Variants in ARHGAP40 observed in about 807,000 individuals in gnomAD.
ARHGAP40 encodes the protein rho GTPase-activating protein 40.
ARHGAP40 carries 43 observed loss-of-function variants against 73.5 expected under a neutral mutation model. The observed-to-expected ratio is 0.58, with a 90% CI of 0.46 to 0.75. The LOEUF (loss-of-function observed/expected upper bound fraction) is 0.75, where lower values mean the gene tolerates loss of function less well. Among genes scored for constraint, ARHGAP40 ranks in the 30% least tolerant of loss-of-function variants. The pLI is 0.00. For missense variants in ARHGAP40, 734 were observed against 861.8 expected, an observed-to-expected ratio of 0.85 and a Z score of 1.86; for synonymous variants, 300 against 352.8, an observed-to-expected ratio of 0.85 and a Z score of 1.68.
intron 1 of ARHGAP40, among the ~76,000 whole-genome samples, chr20:38,622,523 T>A (rs1407946564): frequency 6.6e-6 from 1 of 152,190 alleles, no homozygotes; most frequent in African/African-American, 2.4e-5. Context: ...TACCCTGAGA[T>A]TCTTTGATTG....
At chr20:38,603,376 T>G (rs1484845633) in intron 1 of ARHGAP40, among the ~76,000 whole-genome samples, 2 of 152,308 alleles carry the variant, frequency 1.3e-5, no homozygotes, top group Non-Finnish European at 2.9e-5. Flanking sequence ...AAGAATCAAT[T>G]TTAAGAAGCC....
chr20:38,604,976 A>G (rs6026774), intron 1 of ARHGAP40, among the ~76,000 whole-genome samples: 20,591 of 151,276 alleles, frequency 0.14, 1,586 homozygotes, highest in South Asian at 0.24. Flanking sequence ...TCCCTGGAAC[A>G]AGGTTGGTCT....
chr20:38,607,248 A>G (rs2088776190), intron 1 of ARHGAP40, among the ~76,000 whole-genome samples: 1 of 152,172 alleles, frequency 6.6e-6, no homozygotes, highest in Non-Finnish European at 1.5e-5. Context: ...TCCTCCACTC[A>G]TCATTGGGAA....
At chr20:38,608,981 T>C (rs2088789227) in intron 1 of ARHGAP40, among the ~76,000 whole-genome samples, 1 of 152,194 alleles carries the variant, frequency 6.6e-6, no homozygotes, top group South Asian at 2.1e-4. Context: ...TTCACTCTTC[T>C]GCCTCCCTCT....
At chr20:38,645,610 G>T (rs563869735) in intron 11 of ARHGAP40, among the ~76,000 whole-genome samples, 4 of 152,288 alleles carry the variant, frequency 2.6e-5, no homozygotes, top group African/African-American at 9.6e-5. Flanking sequence ...GACTCTGCTG[G>T]GTTCGGATCC....
At chr20:38,639,292 C>A in exon 9 of ARHGAP40, 1 of 1,305,510 alleles carries the variant, frequency 7.7e-7, no homozygotes, top group South Asian at 1.2e-5. Flanking sequence ...AGGTTCATCA[C>A]AATGACGCCT....
chr20:38,631,541 A>G (rs1304502512), intron 5 of ARHGAP40, among the ~76,000 whole-genome samples: 2 of 152,158 alleles, frequency 1.3e-5, no homozygotes, highest in African/African-American at 2.4e-5. Context: ...CACTATCACA[A>G]GAACAGCCTG....
At chr20:38,635,358 T>C (rs1263687064) in intron 6 of ARHGAP40, among the ~76,000 whole-genome samples, 1 of 151,890 alleles carries the variant, frequency 6.6e-6, no homozygotes, top group African/African-American at 2.4e-5. Context: ...GTATCCTTTT[T>C]TCACCTAATA....
At chr20:38,621,556 C>G (rs569314739) in intron 1 of ARHGAP40, among the ~76,000 whole-genome samples, 16 of 152,062 alleles carry the variant, frequency 1.1e-4, no homozygotes, top group Non-Finnish European at 1.8e-4. Flanking sequence ...AAACAATGTC[C>G]CCTGAGTGAA....
At chr20:38,630,299 A>G (rs537442658) in intron 5 of ARHGAP40, among the ~76,000 whole-genome samples, 381 of 151,094 alleles carry the variant, frequency 2.5e-3, no homozygotes, top group Non-Finnish European at 3.7e-3. Context: ...AGCTCACTGC[A>G]GCCTCAACCT....
rs184531691 is a variant in ARHGAP40, at chr20:38,644,099, C to T, written c.1569+189C>T. On this transcript the variant is annotated intron_variant, in intron 11 of 14. Transcript: ENST00000373345. ...AACCAAGAAGAAGTGTCTTCACTTT[C>T]TGTCTCCACTGCCATGCCTCTCAGT... 4.3e-3 allele frequency among the ~76,000 whole-genome samples: 657 copies of T among 152,340 alleles called. 1 individual carries two copies. The highest frequency in any genetic ancestry group is 7.0e-3 in the Non-Finnish European group (476 of 68,032).
chr20:38,627,415 T>TG (rs1568607624), intron 3 of ARHGAP40, among the ~76,000 whole-genome samples, 200 bp downstream of exon 3: 3 of 103,972 alleles, frequency 2.9e-5, no homozygotes, highest in Non-Finnish European at 6.6e-5. Flanking sequence ...GGTATGTGTG[T>TG]TGGGGGTGTG....
chr20:38,627,021 C>T lies in ARHGAP40; in HGVS notation c.364C>T (p.Gln122Ter). The T allele has an allele frequency of 7.7e-7, 1 of 1,304,640 alleles. No homozygotes were observed. Among genetic ancestry groups the T allele is most frequent in the Non-Finnish European group, 1.0e-6 (1 of 988,920 alleles). The allele number at this position is 1,304,640 out of a possible 1,614,324, so 80.8% of individuals were successfully genotyped here. ...AGGGGAAGCTGAATCCCAGTGGCTGCAGGACACAGGCCTGTCGGGCCTCCT... is the reference window on the plus strand; with the variant it reads ...AGGGGAAGCTGAATCCCAGTGGCTGTAGGACACAGGCCTGTCGGGCCTCCT... The change falls in exon 3 of 15, where the codon CAG becomes TAG. Residue 122 changes from glutamine to a stop codon, truncating the protein, a stop_gained. Transcript: ENST00000373345. LOFTEE classifies it high-confidence loss of function.
In ARHGAP40 at chr20:38,614,913, C is replaced by T. The variant is rs1158000133; in HGVS notation, c.138-8446C>T. 4 of 1,360,862 alleles carry T rather than the reference C, an allele frequency of 2.9e-6. No individual in the cohort carries two copies. In the African/African-American group the frequency reaches 5.7e-5, roughly 19 times the overall value. 84.3% of individuals were successfully genotyped at this position (1,360,862 alleles called of 1,614,324 possible). A position where few individuals can be genotyped will look rare whatever the true frequency, so the allele number is the denominator to read the frequency against. On this transcript the variant is annotated intron_variant, in intron 1 of 14. Transcript: ENST00000373345. ...CAAGCTGCCTGCACCAGGCCTTTCT[C>T]TAGAAGTCCTGAGACTGAGTACTCT... is the stretch of plus-strand genomic sequence containing the variant.
intron 7 of ARHGAP40, 43 bp downstream of exon 7, chr20:38,637,842 G>A: frequency 7.8e-7 from 1 of 1,283,882 alleles, no homozygotes; most frequent in East Asian, 5.7e-5. Flanking sequence ...TAATCCTTCA[G>A]AGGCTGGCTC....
chr20:38,609,582 C>T (rs529184349), intron 1 of ARHGAP40, among the ~76,000 whole-genome samples: 154 of 152,290 alleles, frequency 1.0e-3, no homozygotes, highest in Non-Finnish European at 1.3e-3. Context: ...CCATGGAGGG[C>T]GGTAAGTGCC....
intron 3 of ARHGAP40, among the ~76,000 whole-genome samples, chr20:38,627,754 A>C (rs2088911840): frequency 1.3e-5 from 2 of 151,804 alleles, no homozygotes; most frequent in African/African-American, 4.8e-5. Flanking sequence ...GCCTTCCACT[A>C]TGTCCCTATG....
intron 6 of ARHGAP40, 74 bp from the exon 7 acceptor site, chr20:38,637,634 G>T (rs1226030109): frequency 3.4e-6 from 4 of 1,173,666 alleles, no homozygotes; most frequent in Non-Finnish European, 3.5e-6. Context: ...TAGTTGCCCA[G>T]GAGATCCTGT....
At chr20:38,609,651 G>A (rs192950509) in intron 1 of ARHGAP40, among the ~76,000 whole-genome samples, 123 of 152,316 alleles carry the variant, frequency 8.1e-4, no homozygotes, top group African/African-American at 2.8e-3. Flanking sequence ...CCTGGAGGAG[G>A]TGATGCCTGA....
Sources: gnomAD v4.1 joint callset for allele counts (sites outside exome capture counted in the v4.1 genomes callset) on GRCh38, gnomAD v4.1.1 for gene constraint, MANE v1.5 for transcripts, NCBI Gene and HGNC (gene_info 2026-07-23, HGNC 2026-07-21) for gene names.